The following RALGPS1 variants were observed in gnomAD, a reference collection of about 807,000 sequenced individuals.
RALGPS1 encodes Ral GEF with PH domain and SH3 binding motif 1.
In RALGPS1, 19 loss-of-function variants were observed where a neutral mutation model predicts 78.8. The ratio of observed to expected loss-of-function variants is 0.24; its 90% confidence interval spans 0.17 to 0.35. RALGPS1 has a LOEUF of 0.35. RALGPS1 is among the 10% of genes least tolerant of loss of function. The pLI is 1.00. For synonymous variants in RALGPS1, 228 were observed against 256.3 expected, an observed-to-expected ratio of 0.89 and a Z score of 1.06; for missense variants, 454 against 688.3, an observed-to-expected ratio of 0.66 and a Z score of 3.81.
At chr9:127,101,375 G>A (rs1157402337) in intron 8 of RALGPS1, among the ~76,000 whole-genome samples, 4 of 152,132 alleles carry the variant, frequency 2.6e-5, no homozygotes, top group Non-Finnish European at 2.9e-5. Context: ...TAGGATTGTT[G>A]GGGATCTGTG....
At chr9:126,982,635 C>T (rs900296360) in intron 4 of RALGPS1, among the ~76,000 whole-genome samples, 1 of 152,052 alleles carries the variant, frequency 6.6e-6, no homozygotes, top group Non-Finnish European at 1.5e-5. Flanking sequence ...GGTTGTCACC[C>T]ACCAGTTTCC....
chr9:127,203,663 T>C (rs2061769597), intron 14 of RALGPS1, among the ~76,000 whole-genome samples: 1 of 152,156 alleles, frequency 6.6e-6, no homozygotes, highest in Admixed American at 6.5e-5. Flanking sequence ...GGTGAGGGAA[T>C]GGGTCAGAGC....
intron 7 of RALGPS1, among the ~76,000 whole-genome samples, chr9:127,058,721 A>G (rs1354460938): frequency 6.6e-6 from 1 of 152,144 alleles, no homozygotes; most frequent in East Asian, 1.9e-4. Context: ...CATATGGATG[A>G]GTCACTCATT....
intron 4 of RALGPS1, among the ~76,000 whole-genome samples, chr9:127,012,108 A>C (rs369597323): frequency 3.3e-5 from 5 of 152,302 alleles, no homozygotes; most frequent in East Asian, 1.9e-4. Flanking sequence ...CAAAGTTTTA[A>C]TTTATGGCTG....
rs927291121 is a variant in RALGPS1, at chr9:127,183,695, G to A, written c.910+8913G>A. On this transcript the variant is annotated intron_variant, in intron 11 of 18. Coordinates refer to ENST00000259351, the MANE Select transcript of RALGPS1 (RefSeq NM_014636.3). The surrounding 1 kb of genome is among the most constrained non-coding windows in gnomAD (Gnocchi z 4.0). ...GTGAGTAGAAAAAGAGAACAGCCAG[G>A]GGCAAGCTGTAGGCCCTCTCTCCAT... is the stretch of plus-strand genomic sequence containing the variant. 2.6e-5 allele frequency among the ~76,000 whole-genome samples: 4 copies of A among 151,988 alleles called. No homozygotes were observed. The highest frequency in any genetic ancestry group is 9.7e-5 in the African/African-American group (4 of 41,386).
At chr9:127,185,009 C>T (rs1024822618) in intron 11 of RALGPS1, among the ~76,000 whole-genome samples, 8 of 152,186 alleles carry the variant, frequency 5.3e-5, no homozygotes, top group South Asian at 2.1e-4. Flanking sequence ...TGTCTTCCTC[C>T]GCAGCCATGA....
chr9:127,058,203 G>A (rs1192503499), intron 7 of RALGPS1, among the ~76,000 whole-genome samples: 2 of 152,234 alleles, frequency 1.3e-5, no homozygotes, highest in Non-Finnish European at 2.9e-5. Context: ...GTGCCAGGAG[G>A]AGATGGATGT....
chr9:127,051,386 T>C (rs983362560), intron 6 of RALGPS1, among the ~76,000 whole-genome samples: 1 of 152,200 alleles, frequency 6.6e-6, no homozygotes, highest in African/African-American at 2.4e-5. Flanking sequence ...GGGTCTTTCC[T>C]TGTGCAAGCC....
intron 8 of RALGPS1, among the ~76,000 whole-genome samples, chr9:127,157,561 A>G (rs1036576267): frequency 6.6e-6 from 1 of 152,048 alleles, no homozygotes; most frequent in African/African-American, 2.4e-5. Flanking sequence ...TAAGTCTTAC[A>G]CATTTCTAAG....
chr9:127,036,733 T>C (rs1460248037), intron 5 of RALGPS1, among the ~76,000 whole-genome samples: 1 of 152,224 alleles, frequency 6.6e-6, no homozygotes, highest in Non-Finnish European at 1.5e-5. Context: ...AGGTCTTTTA[T>C]GAGCCAGCCT....
At chr9:127,120,860 C>T (rs980049204) in intron 8 of RALGPS1, among the ~76,000 whole-genome samples, 4 of 151,964 alleles carry the variant, frequency 2.6e-5, no homozygotes, top group Admixed American at 2.0e-4. Context: ...TGTCTCTGCT[C>T]TTCCCTTCCC....
In RALGPS1 at chr9:126,958,144, T is replaced by A. The variant is rs868475289; in HGVS notation, c.-65-4081T>A. 5.1e-3 allele frequency among the ~76,000 whole-genome samples: 292 copies of A among 56,822 alleles called. 2 individuals carry two copies. The highest frequency in any genetic ancestry group is 0.013 in the East Asian group (18 of 1,350). The allele number at this position is 56,822 out of a possible 152,430, so 37.3% of individuals were successfully genotyped here. On this transcript the variant is annotated intron_variant, in intron 1 of 18. Transcript: ENST00000259351. ...GTCTCTTTAAAAAAAAAAAAAAAAA[T>A]ATATATATATATATACACACACACA...
intron 8 of RALGPS1, among the ~76,000 whole-genome samples, chr9:127,143,706 G>A (rs2057924527): frequency 6.6e-6 from 1 of 152,192 alleles, no homozygotes. Context: ...GTGCTTCTGG[G>A]AGTATGTTTA....
intron 1 of RALGPS1, among the ~76,000 whole-genome samples, chr9:126,952,246 G>T (rs184484634): frequency 6.6e-6 from 1 of 152,244 alleles, no homozygotes; most frequent in African/African-American, 2.4e-5. Flanking sequence ...GCCCCACATG[G>T]CATTTTGGAC....
intron 11 of RALGPS1, among the ~76,000 whole-genome samples, chr9:127,184,646 C>T (rs1054932108): frequency 4.6e-5 from 7 of 152,208 alleles, no homozygotes; most frequent in South Asian, 2.1e-4. Flanking sequence ...TGAAAGTCAC[C>T]GTGTGCACCA....
chr9:126,987,152 A>T (rs989647750), intron 4 of RALGPS1, among the ~76,000 whole-genome samples: 1 of 152,080 alleles, frequency 6.6e-6, no homozygotes, highest in African/African-American at 2.4e-5. Context: ...GGTACCTGGG[A>T]TCCTTCAGAG....
chr9:127,108,344 T>C (rs1038146269), intron 8 of RALGPS1: 2 of 1,612,634 alleles, frequency 1.2e-6, no homozygotes, highest in Non-Finnish European at 1.7e-6. Flanking sequence ...CGCGAGTTCA[T>C]GTTGCGGCTC....
intron 8 of RALGPS1, among the ~76,000 whole-genome samples, chr9:127,096,701 G>C (rs2053177896): frequency 6.6e-6 from 1 of 152,194 alleles, no homozygotes; most frequent in East Asian, 1.9e-4. Flanking sequence ...GATGGTTCTA[G>C]ATCCTTTATT....
chr9:127,020,904 A>G (rs2045378758), intron 4 of RALGPS1, among the ~76,000 whole-genome samples: 1 of 152,228 alleles, frequency 6.6e-6, no homozygotes, highest in Non-Finnish European at 1.5e-5. Flanking sequence ...AAAATGGGGC[A>G]ATAATAGTAC....
Sources: gnomAD v4.1 joint callset for allele counts (sites outside exome capture counted in the v4.1 genomes callset) on GRCh38, gnomAD v4.1.1 for gene constraint, Gnocchi (gnomAD v3.1) non-coding constraint, MANE v1.5 for transcripts, NCBI Gene and HGNC (gene_info 2026-07-23, HGNC 2026-07-21) for gene names.